PMS2: variants seen among roughly 807,000 people sequenced by gnomAD.
PMS2 encodes mismatch repair endonuclease PMS2.
Under a neutral mutation model 90.0 loss-of-function variants are expected in PMS2, and 69 were observed. That is an observed-to-expected ratio of 0.77 (90% CI 0.63 to 0.94). The LOEUF (loss-of-function observed/expected upper bound fraction) is 0.94, where lower values mean the gene tolerates loss of function less well. Ranked by LOEUF, PMS2 falls within the 40% of genes least tolerant of loss-of-function variation. The pLI is 0.00. For missense variants in PMS2, 966 were observed against 1,040.2 expected (o/e 0.93, Z 0.98); for synonymous variants, 332 against 375.1 (o/e 0.89, Z 1.33).
intron 2 of PMS2, among the ~76,000 whole-genome samples, chr7:6,004,958 G>A (rs1785556592): frequency 6.6e-6 from 1 of 152,060 alleles, no homozygotes; most frequent in South Asian, 2.1e-4. Flanking sequence ...AGGCTGGAGT[G>A]CAGTGGTACG....
rs1402531091 is a variant in PMS2, at chr7:6,005,922, T to C, written c.133A>G (p.Asn45Asp). Residue 45 changes from asparagine (N) to aspartate (D), a missense_variant, in exon 2 of 15, where the codon AAC becomes GAC. This residue lies in a region of PMS2 where 871 missense variants were observed against 802.4 expected (regional missense o/e 1.09). Coordinates refer to ENST00000265849, the MANE Select transcript of PMS2 (RefSeq NM_000535.7). ...TTAGTGGCACCAGCATCCAGACTGTTTTCTACTAACTCCTTTACCGCAGTG... is the reference window on the plus strand; with the variant it reads ...TTAGTGGCACCAGCATCCAGACTGTCTTCTACTAACTCCTTTACCGCAGTG... Reference protein sequence around the residue: ...LSTAVKELVENSLDAGATNID... With the variant: ...LSTAVKELVEDSLDAGATNID... 1.2e-6 allele frequency: 2 copies of C among 1,610,768 alleles called. No homozygotes were observed. The highest frequency in any genetic ancestry group is 2.7e-5 in the African/African-American group (2 of 74,860).
At chr7:5,999,350 T>A (rs1784845584) in intron 5 of PMS2, 75 bp from the exon 6 acceptor site, 1 of 1,316,146 alleles carries the variant, frequency 7.6e-7, no homozygotes, top group African/African-American at 1.4e-5. Context: ...AGTTACAACA[T>A]CCAACGCAAG....
At chr7:5,986,154 T>A (rs1380240633) in intron 11 of PMS2, among the ~76,000 whole-genome samples, 1 of 145,728 alleles carries the variant, frequency 6.9e-6, no homozygotes, top group Non-Finnish European at 1.5e-5. Context: ...ACCCAAGTCT[T>A]CCATGTGTTT....
chr7:5,993,836 G>C (rs1471630934), intron 8 of PMS2, among the ~76,000 whole-genome samples: 1 of 142,024 alleles, frequency 7.0e-6, no homozygotes, highest in Admixed American at 7.2e-5. Context: ...ACTCCAGCCT[G>C]GGGGTGACAG....
intron 14 of PMS2, among the ~76,000 whole-genome samples, chr7:5,977,168 C>T (rs568240895): frequency 1.1e-4 from 17 of 151,304 alleles, no homozygotes; most frequent in African/African-American, 3.6e-4. Context: ...CATTCTCCTG[C>T]CTCAGCCTCC....
chr7:5,978,985 AG>A lies in PMS2; in HGVS notation c.2175-290del, dbSNP rs1302519825. On this transcript the variant is annotated intron_variant, in intron 12 of 14. Coordinates refer to ENST00000265849, the MANE Select transcript of PMS2 (RefSeq NM_000535.7). ...CGAGGCAGGCAGATCTCTTGAGGCC[AG>A]GAGTTTGAGACCGGCCTGGTCAACA... 1.9e-4 allele frequency among the ~76,000 whole-genome samples: 28 copies of A among 148,760 alleles called. 3 individuals are homozygous for A. The highest frequency in any genetic ancestry group is 6.4e-4 in the African/African-American group (25 of 39,368).
rs587780039 is a variant in PMS2 at position 5,987,596 on chromosome 7, G to A, written c.1169C>T (p.Ala390Val). Residue 390 changes from alanine to valine, a missense_variant, in exon 11 of 15, where the codon GCG (alanine) becomes GTG (valine). This residue lies in a region of PMS2 where 871 missense variants were observed against 802.4 expected (regional missense o/e 1.09). Transcript: ENST00000265849. The stretch of plus-strand genomic sequence containing the variant: ...TTCTACCATGGGCTTTTCCAAATCC[G>A]CTGCATGCATTTTTATTAAGTTACC... ...VEGNLIKMHA[A>V]DLEKPMVEKQ... 51 of 1,603,022 alleles carry A rather than the reference G, an allele frequency of 3.2e-5. No homozygotes were observed. The highest frequency in any genetic ancestry group is 1.6e-4 in the East Asian group (7 of 44,854).
chr7:5,999,335 G>T (rs1158379918), intron 5 of PMS2, 60 bp from the exon 6 acceptor site: 2 of 1,456,870 alleles, frequency 1.4e-6, no homozygotes, highest in Non-Finnish European at 1.9e-6. Context: ...GAATTACACA[G>T]CTCAAGTTAC....
rs774893184 is a variant in PMS2, at chr7:6,007,629, GA to G, written c.23+1367del. ...TTAAGAGAAGGCAGGAAACCTCCAT[GA>G]AAGAGAAATCACTGGGTATTTCCTA... is the stretch of plus-strand genomic sequence containing the variant. On this transcript the variant is annotated intron_variant, in intron 1 of 14. Coordinates refer to ENST00000265849, the MANE Select transcript of PMS2 (RefSeq NM_000535.7). 3.0e-3 allele frequency among the ~76,000 whole-genome samples: 461 copies of G among 152,262 alleles called. 2 individuals carry two copies. The highest frequency in any genetic ancestry group is 4.5e-3 in the Non-Finnish European group (308 of 68,016).
Position 5,997,468 on chromosome 7 carries a change from C to T in PMS2, c.706-45G>A, listed in dbSNP as rs759794810. ...ATTCACAGTTACTTCCTAATAAAGA[C>T]AGAGTGGACTTAATCTGTTTTCTTT... On this transcript the variant is annotated intron_variant, in intron 6 of 14. Coordinates refer to ENST00000265849, the MANE Select transcript of PMS2 (RefSeq NM_000535.7). 4.7e-6 allele frequency: 5 copies of T among 1,055,092 alleles called. 1 individual carries two copies. The South Asian group carries it at 6.7e-5, about 14-fold the overall frequency. The allele number at this position is 1,055,092 out of a possible 1,614,324, so 65.4% of individuals were successfully genotyped here.
At chr7:5,989,086 G>A (rs921141467) in intron 10 of PMS2, among the ~76,000 whole-genome samples, 10 of 152,172 alleles carry the variant, frequency 6.6e-5, no homozygotes, top group South Asian at 2.1e-4. Flanking sequence ...TCCTGACCTC[G>A]TGAGCCGCCC....
intron 12 of PMS2, among the ~76,000 whole-genome samples, chr7:5,982,298 C>A (rs1357859646): frequency 6.6e-6 from 1 of 152,132 alleles, no homozygotes; most frequent in Non-Finnish European, 1.5e-5. Flanking sequence ...CTCCGCCTCC[C>A]GGGTTCAAGC....
intron 14 of PMS2, among the ~76,000 whole-genome samples, chr7:5,976,033 G>T (rs1260316412): frequency 6.9e-6 from 1 of 144,578 alleles, no homozygotes; most frequent in African/African-American, 2.5e-5. Flanking sequence ...GAGGTCAGGA[G>T]ATCAACACCA....
In PMS2 at chr7:5,990,860, A is replaced by T. The variant is rs543080679; in HGVS notation, c.989-905T>A. On this transcript the variant is annotated intron_variant, in intron 9 of 14. Coordinates refer to ENST00000265849, the MANE Select transcript of PMS2 (RefSeq NM_000535.7). ...GAAACCCCGTCTCTACTAAAAACACAAAAAATTAGTCAGGCATGGTGGCAG... is the reference window on the plus strand; with the variant it reads ...GAAACCCCGTCTCTACTAAAAACACTAAAAATTAGTCAGGCATGGTGGCAG... Among the ~76,000 whole-genome samples the T allele has an allele frequency of 1.5e-4, 23 of 152,254 alleles. No homozygotes were observed. The South Asian group carries it at 4.8e-3, about 32-fold the overall frequency.
chr7:5,992,125 C>T, intron 8 of PMS2, 68 bp from the exon 9 acceptor site: 1 of 846,502 alleles, frequency 1.2e-6, no homozygotes, highest in South Asian at 1.3e-5. Context: ...ATTCTAACAA[C>T]ATTCTATTCT....
intron 5 of PMS2, among the ~76,000 whole-genome samples, chr7:6,000,042 C>T (rs1784920111): frequency 6.6e-6 from 1 of 151,958 alleles, no homozygotes; most frequent in African/African-American, 2.4e-5. Flanking sequence ...AGGCAGTGTG[C>T]ACCGACTAAA....
chr7:6,000,075 G>A (rs573374607), intron 5 of PMS2, among the ~76,000 whole-genome samples: 1 of 151,982 alleles, frequency 6.6e-6, no homozygotes, highest in African/African-American at 2.4e-5. Context: ...AATATGCTAA[G>A]TAAAAAGTCA....
chr7:5,987,038 G>A lies in PMS2; in HGVS notation c.1727C>T (p.Thr576Ile), dbSNP rs1554297301. 2 of 1,614,150 alleles carry A rather than the reference G, an allele frequency of 1.2e-6. No individual in the cohort carries two copies. The highest frequency in any genetic ancestry group is 1.3e-5 in the African/African-American group (1 of 75,030). Residue 576 changes from threonine (T) to isoleucine (I), a missense_variant, in exon 11 of 15, where the codon ACA (threonine) becomes ATA (isoleucine). This residue lies in a region of PMS2 where 871 missense variants were observed against 802.4 expected (regional missense o/e 1.09). Transcript: ENST00000265849. ...PQPTNLATPN[T>I]KRFKKEEILS... Reference sequence around the variant, plus strand: ...AATTTCTTCTTTTTTAAAACGCTTTGTGTTTGGGGTTGCGAGATTAGTTGG... The same window carrying A: ...AATTTCTTCTTTTTTAAAACGCTTTATGTTTGGGGTTGCGAGATTAGTTGG...
At chr7:5,979,781 A>G (rs1365361288) in intron 12 of PMS2, among the ~76,000 whole-genome samples, 2 of 128,486 alleles carry the variant, frequency 1.6e-5, no homozygotes, top group Non-Finnish European at 3.4e-5. Flanking sequence ...TCAGCCTCCC[A>G]AAGTGCTGGG....
Sources: gnomAD v4.1 joint callset for allele counts (sites outside exome capture counted in the v4.1 genomes callset) on GRCh38, gnomAD v4.1.1 for gene constraint, gnomAD v4.1.1 regional missense constraint, MANE v1.5 for transcripts, NCBI Gene and HGNC (gene_info 2026-07-23, HGNC 2026-07-21) for gene names.